IKZF2: variants seen among roughly 807,000 people sequenced by gnomAD.
IKZF2 encodes IKAROS family zinc finger 2, also known as zinc finger protein Helios.
In IKZF2, 15 loss-of-function variants were observed where a neutral mutation model predicts 49.2. That is an observed-to-expected ratio of 0.30 (90% CI 0.20 to 0.47). IKZF2 has a LOEUF of 0.47. Ranked by LOEUF, IKZF2 falls within the 20% of genes least tolerant of loss-of-function variation. The probability of loss-of-function intolerance (pLI) is 1.00; values close to 1 mark genes in which losing one functional copy is unlikely to be tolerated. For missense variants in IKZF2, 567 were observed against 664.6 expected, an observed-to-expected ratio of 0.85 and a Z score of 1.61; for synonymous variants, 227 against 221.4, an observed-to-expected ratio of 1.03 and a Z score of -0.23.
In IKZF2 at chr2:213,013,851, T is replaced by G. The variant is rs764191286; in HGVS notation, c.796A>C (p.Ile266Leu). The G allele has an allele frequency of 1.9e-6, 3 of 1,612,164 alleles. No homozygotes were observed. The highest frequency in any genetic ancestry group is 2.5e-6 in the Non-Finnish European group (3 of 1,178,582). Residue 266 changes from isoleucine to leucine, a missense_variant, in exon 8 of 9, where the codon ATA becomes CTA. By Grantham distance (5) the Ile-to-Leu change is conservative (BLOSUM62 2). This residue lies in a region of IKZF2 where 310 missense variants were observed against 326.9 expected (regional missense o/e 0.95). Transcript: ENST00000434687. ...SLVPFERPAV[I>L]EKLTGNMGKR... is the part of the protein sequence containing the mutation. ...CCCATATTCCCCGTGAGCTTCTCTATGACAGCAGGTCTCTCAAAAGGCACC... is the reference window on the plus strand; with the variant it reads ...CCCATATTCCCCGTGAGCTTCTCTAGGACAGCAGGTCTCTCAAAAGGCACC...
chr2:213,047,311 A>G (rs562298617), intron 6 of IKZF2, among the ~76,000 whole-genome samples: 4 of 152,286 alleles, frequency 2.6e-5, no homozygotes, highest in South Asian at 4.1e-4. Flanking sequence ...TCAGCTGGCT[A>G]CATGGAGTGG....
At chr2:213,136,887 G>A (rs1223769415) in intron 4 of IKZF2, among the ~76,000 whole-genome samples, 1 of 151,888 alleles carries the variant, frequency 6.6e-6, no homozygotes, top group Admixed American at 6.6e-5. Context: ...AACATAAATG[G>A]TATTATCATA....
chr2:213,089,836 T>C (rs1249272114), intron 4 of IKZF2, among the ~76,000 whole-genome samples: 9 of 152,248 alleles, frequency 5.9e-5, no homozygotes, highest in Admixed American at 2.0e-4. Context: ...TGCCTGAGAT[T>C]AAATGCTTAC....
In IKZF2 at chr2:213,000,873, T is replaced by C. The variant is rs1694848393; in HGVS notation, c.*6487A>G. On this transcript the variant is annotated 3_prime_UTR_variant, in exon 9 of 9. Transcript: ENST00000434687. ...GTAAAAAGTTCAACTTTAGGACACA[T>C]TTTTCAAGCAAAAGATTACTAATTT... 1 of 151,576 alleles carries C rather than the reference T, an allele frequency of 6.6e-6. No individual in the cohort carries two copies. Among genetic ancestry groups the C allele is most frequent in the South Asian group, 2.1e-4 (1 of 4,822 alleles). 9.4% of individuals were successfully genotyped at this position (151,576 alleles called of 1,614,324 possible). A position where few individuals can be genotyped will look rare whatever the true frequency, so the allele number is the denominator to read the frequency against.
At chr2:213,141,107 C>T (rs57422595) in intron 4 of IKZF2, among the ~76,000 whole-genome samples, 1 of 151,826 alleles carries the variant, frequency 6.6e-6, no homozygotes, top group Non-Finnish European at 1.5e-5. Flanking sequence ...CCATCTATCC[C>T]GTAATTTAAA....
intron 6 of IKZF2, among the ~76,000 whole-genome samples, chr2:213,038,552 T>C (rs2125244906): frequency 6.6e-6 from 1 of 151,526 alleles, no homozygotes; most frequent in East Asian, 1.9e-4. Flanking sequence ...ACTGAAGAAG[T>C]TATTTATGTA....
rs779228534 is a variant in IKZF2, at chr2:213,007,847, T to C, written c.1094A>G (p.Glu365Gly). The C allele has an allele frequency of 5.0e-6, 8 of 1,613,478 alleles. No individual in the cohort carries two copies. In the East Asian group the frequency reaches 1.6e-4, roughly 31 times the overall value. Reference protein sequence around the residue: ...YSQVYHPNRIERPISRETADS... With the variant: ...YSQVYHPNRIGRPISRETADS... ...AGCAGTTTCCCTGCTAATGGGTCTT[T>C]CTATCCTATTTGGATGATAGACCTG... The change falls in exon 9 of 9, where the codon GAA becomes GGA. Residue 365 changes from glutamate to glycine, a missense_variant. Glu to Gly is a moderately conservative substitution (Grantham distance 98). Around this residue, in one of 5 missense-constraint regions of IKZF2, gnomAD observed 310 missense variants for 326.9 expected, o/e 0.95. Transcript: ENST00000434687.
chr2:213,037,818 A>G (rs2086643), intron 6 of IKZF2, among the ~76,000 whole-genome samples: 126,459 of 152,054 alleles, frequency 0.83, 53,555 homozygotes, highest in Non-Finnish European at 0.92. Context: ...GGCTAAGGGT[A>G]GGGAAAGTTC....
At chr2:213,068,996 A>G (rs1463105243) in intron 4 of IKZF2, among the ~76,000 whole-genome samples, 1 of 151,964 alleles carries the variant, frequency 6.6e-6, no homozygotes, top group African/African-American at 2.4e-5. Context: ...AACCTTCACA[A>G]AAAGCATAAA....
chr2:213,041,119 G>GAA (rs796902329), intron 6 of IKZF2, among the ~76,000 whole-genome samples: 18 of 137,514 alleles, frequency 1.3e-4, no homozygotes, highest in African/African-American at 4.5e-4. Flanking sequence ...CCCTGTCTCA[G>GAA]AAAAAAAAAA....
At chr2:213,121,568 T>A (rs1037498427) in intron 4 of IKZF2, among the ~76,000 whole-genome samples, 1 of 152,224 alleles carries the variant, frequency 6.6e-6, no homozygotes, top group African/African-American at 2.4e-5. Context: ...TTCATTGAGT[T>A]GCTATAAATA....
chr2:213,054,916 T>C (rs1424346481), intron 5 of IKZF2, among the ~76,000 whole-genome samples: 1 of 152,106 alleles, frequency 6.6e-6, no homozygotes, highest in African/African-American at 2.4e-5. Flanking sequence ...GTAGAGTAGG[T>C]ATATAATTAT....
intron 8 of IKZF2, 105 bp from the exon 9 acceptor site, chr2:213,008,189 C>T: frequency 7.7e-7 from 1 of 1,292,512 alleles, no homozygotes; most frequent in African/African-American, 1.5e-5. Context: ...TGATTGCCTC[C>T]ATTTTTCATA....
intron 4 of IKZF2, among the ~76,000 whole-genome samples, chr2:213,103,689 C>A (rs1182801280): frequency 6.6e-6 from 1 of 152,056 alleles, no homozygotes; most frequent in Non-Finnish European, 1.5e-5. Context: ...TTAGGGGAAA[C>A]AGGAATATAG....
rs1553604957 is a variant in IKZF2 at position 213,146,762 on chromosome 2, G to GC, written c.139+945_139+946insG. Among the ~76,000 whole-genome samples, 85 of 134,456 alleles carry GC rather than the reference G, an allele frequency of 6.3e-4. 6 individuals carry two copies. The South Asian group carries it at 0.02, about 31-fold the overall frequency. The allele number at this position is 134,456 out of a possible 152,430, so 88.2% of individuals were successfully genotyped here. The stretch of plus-strand genomic sequence containing the variant: ...CTTTTCTTAGTTATTAAATCTTCGG[G>GC]GGGGGGGAAGGAAAGAGAATGCCTT... On this transcript the variant is annotated intron_variant, in intron 4 of 8. Transcript: ENST00000434687.
chr2:213,119,047 G>T (rs1574909587), intron 4 of IKZF2, among the ~76,000 whole-genome samples: 1 of 152,178 alleles, frequency 6.6e-6, no homozygotes, highest in African/African-American at 2.4e-5. Flanking sequence ...AGGATGGAAA[G>T]CTGGGGAAAG....
intron 8 of IKZF2, 151 bp downstream of exon 8, chr2:213,013,640 A>G: frequency 1.5e-6 from 1 of 652,518 alleles, no homozygotes; most frequent in Non-Finnish European, 2.5e-6. Context: ...GTGTACACAG[A>G]ATGTCAGAGA....
At chr2:213,051,239 T>C (rs991021451) in intron 5 of IKZF2, among the ~76,000 whole-genome samples, 4 of 152,016 alleles carry the variant, frequency 2.6e-5, no homozygotes, top group Non-Finnish European at 5.9e-5. Flanking sequence ...AATTCTATCA[T>C]ATAGATTTGT....
At chr2:213,026,092 C>T (rs1304921916) in intron 6 of IKZF2, among the ~76,000 whole-genome samples, 1 of 152,088 alleles carries the variant, frequency 6.6e-6, no homozygotes, top group Non-Finnish European at 1.5e-5. Context: ...CTTTACCTGG[C>T]ATTCAGCACC....
Sources: allele counts gnomAD v4.1 joint callset (sites outside exome capture counted in the v4.1 genomes callset), GRCh38; gene constraint gnomAD v4.1.1; regional missense constraint gnomAD v4.1.1; transcripts MANE v1.5; gene names NCBI Gene and HGNC (gene_info 2026-07-23, HGNC 2026-07-21).